SNTG1: variants seen among roughly 807,000 people sequenced by gnomAD.
SNTG1 encodes the protein gamma-1-syntrophin.
Under a neutral mutation model 74.7 loss-of-function variants are expected in SNTG1, and 39 were observed. That is an observed-to-expected ratio of 0.52 (90% CI 0.40 to 0.68). The LOEUF (loss-of-function observed/expected upper bound fraction) is 0.68. Among genes scored for constraint, SNTG1 ranks in the 30% least tolerant of loss-of-function variants. The pLI is 0.00. For missense variants in SNTG1, 685 were observed against 609.5 expected (o/e 1.12, Z -1.30); for synonymous variants, 254 against 217.1 (o/e 1.17, Z -1.49).
intron 2 of SNTG1, among the ~76,000 whole-genome samples, chr8:50,335,528 A>T (rs539921122): frequency 6.6e-6 from 1 of 152,284 alleles, no homozygotes; most frequent in Non-Finnish European, 1.5e-5. Flanking sequence ...CATTGTACTT[A>T]GAAGTCTCTT....
intron 1 of SNTG1, among the ~76,000 whole-genome samples, chr8:50,033,158 C>T (rs188773998): frequency 1.7e-4 from 26 of 151,656 alleles, no homozygotes; most frequent in Admixed American, 7.9e-4. Context: ...TCTTGTTGCC[C>T]GGGTTGGAGT....
chr8:50,765,785 C>T (rs561858594), intron 18 of SNTG1, among the ~76,000 whole-genome samples: 1 of 151,970 alleles, frequency 6.6e-6, no homozygotes, highest in East Asian at 1.9e-4. Flanking sequence ...GTTGTAACTG[C>T]TGAGTAGTCT....
At chr8:50,502,525 G>A (rs1426723604) in intron 8 of SNTG1, among the ~76,000 whole-genome samples, 1 of 152,122 alleles carries the variant, frequency 6.6e-6, no homozygotes, top group African/African-American at 2.4e-5. Context: ...ATAAACTCAG[G>A]AAGACCTCAA....
chr8:50,103,895 A>C (rs1400925726), intron 1 of SNTG1, among the ~76,000 whole-genome samples: 1 of 152,200 alleles, frequency 6.6e-6, no homozygotes, highest in Non-Finnish European at 1.5e-5. Context: ...CCAGCCTTGC[A>C]TCCCAGGGAT....
chr8:50,719,077 T>C (rs2095481517), intron 17 of SNTG1, among the ~76,000 whole-genome samples: 1 of 152,204 alleles, frequency 6.6e-6, no homozygotes. Flanking sequence ...CTACAGAAAA[T>C]TGATAATACA....
chr8:50,322,242 C>T (rs1034683080), intron 2 of SNTG1, among the ~76,000 whole-genome samples: 4 of 151,996 alleles, frequency 2.6e-5, no homozygotes, highest in African/African-American at 4.8e-5. Flanking sequence ...CTCTTTCATG[C>T]TTGAAAGATA....
At chr8:50,593,469 TAAGAC>T (rs1008627632) in intron 13 of SNTG1, among the ~76,000 whole-genome samples, 21 of 151,714 alleles carry the variant, frequency 1.4e-4, no homozygotes, top group Admixed American at 1.2e-3. Context: ...ATCAAAATCA[TAAGAC>T]AAGAAGAGGA....
chr8:50,188,995 A>G (rs1474145279), intron 2 of SNTG1, among the ~76,000 whole-genome samples: 1 of 152,158 alleles, frequency 6.6e-6, no homozygotes, highest in Non-Finnish European at 1.5e-5. Context: ...CTCACCCAGC[A>G]TTAGCAACTT....
At chr8:50,133,407 A>G (rs1166833294) in intron 1 of SNTG1, among the ~76,000 whole-genome samples, 5 of 152,100 alleles carry the variant, frequency 3.3e-5, no homozygotes, top group Non-Finnish European at 5.9e-5. Context: ...CTCTTACCCA[A>G]TTCCAAAGCC....
At chr8:50,627,958 G>T (rs981082701) in intron 13 of SNTG1, among the ~76,000 whole-genome samples, 12 of 152,046 alleles carry the variant, frequency 7.9e-5, no homozygotes, top group Non-Finnish European at 1.3e-4. Context: ...CCAACCTTCA[G>T]CCCCTCTCTC....
intron 1 of SNTG1, among the ~76,000 whole-genome samples, chr8:50,034,293 C>T (rs922012157): frequency 6.6e-6 from 1 of 152,138 alleles, no homozygotes; most frequent in Non-Finnish European, 1.5e-5. Flanking sequence ...AATCACACTC[C>T]TATATTCATT....
intron 2 of SNTG1, among the ~76,000 whole-genome samples, chr8:50,388,583 G>A (rs989799021): frequency 6.6e-6 from 1 of 152,168 alleles, no homozygotes; most frequent in African/African-American, 2.4e-5. Flanking sequence ...TGGAATCACT[G>A]TGTATATGAC....
At chr8:50,691,128 G>C (rs1340974618) in intron 15 of SNTG1, among the ~76,000 whole-genome samples, 1 of 151,630 alleles carries the variant, frequency 6.6e-6, no homozygotes, top group Non-Finnish European at 1.5e-5. Context: ...CCTTTATTTT[G>C]AGCCTATGTG....
At chr8:50,459,277 T>C (rs1021302335) in intron 8 of SNTG1, among the ~76,000 whole-genome samples, 1 of 152,208 alleles carries the variant, frequency 6.6e-6, no homozygotes, top group African/African-American at 2.4e-5. Flanking sequence ...CTTTGTACTA[T>C]GTTTTGAAAT....
chr8:50,347,508 T>C (rs1460203506), intron 2 of SNTG1, among the ~76,000 whole-genome samples: 5 of 152,238 alleles, frequency 3.3e-5, no homozygotes, highest in Admixed American at 6.5e-5. Flanking sequence ...TAACACAGTA[T>C]CTATTCCGCA....
chr8:50,205,380 T>C (rs2084174170), intron 2 of SNTG1, among the ~76,000 whole-genome samples: 1 of 152,190 alleles, frequency 6.6e-6, no homozygotes, highest in South Asian at 2.1e-4. Context: ...TTTTGAGAAG[T>C]GTCTGTTCAT....
intron 2 of SNTG1, among the ~76,000 whole-genome samples, chr8:50,320,432 G>T (rs1246487621): frequency 6.6e-6 from 1 of 151,612 alleles, no homozygotes; most frequent in African/African-American, 2.4e-5. Flanking sequence ...CTACAGATTT[G>T]ACAATTTTGT....
At chr8:50,791,008 TTTG>T (rs948026060) in intron 18 of SNTG1, among the ~76,000 whole-genome samples, 3 of 151,982 alleles carry the variant, frequency 2.0e-5, no homozygotes, top group Non-Finnish European at 2.9e-5. Flanking sequence ...ATTGCTTATT[TTTG>T]TTGTTGTTGT....
intron 2 of SNTG1, among the ~76,000 whole-genome samples, chr8:50,303,534 T>C (rs2089743965): frequency 6.6e-6 from 1 of 152,048 alleles, no homozygotes; most frequent in Admixed American, 6.6e-5. Flanking sequence ...TAAAACTACC[T>C]AACCTATATA....
Sources: allele counts gnomAD v4.1 joint callset (sites outside exome capture counted in the v4.1 genomes callset), GRCh38; gene constraint gnomAD v4.1.1; transcripts MANE v1.5; gene names NCBI Gene and HGNC (gene_info 2026-07-23, HGNC 2026-07-21).